RPL13A: variants seen among roughly 807,000 people sequenced by gnomAD.
RPL13A encodes large ribosomal subunit protein uL13.
Under a neutral mutation model 30.8 loss-of-function variants are expected in RPL13A, and 4 were observed. The ratio of observed to expected loss-of-function variants is 0.13; its 90% CI spans 0.06 to 0.30. The LOEUF (loss-of-function observed/expected upper bound fraction) is 0.30. Among genes scored for constraint, RPL13A ranks in the 10% least tolerant of loss-of-function variants. The probability of loss-of-function intolerance (pLI) is 1.00; values close to 1 mark genes in which losing one functional copy is unlikely to be tolerated. For missense variants in RPL13A, 196 were observed against 272.6 expected (o/e 0.72, Z 1.98); for synonymous variants, 108 against 104.2 (o/e 1.04, Z -0.22).
At chr19:49,491,608 C>T in intron 7 of RPL13A, 61 bp downstream of exon 7, 1 of 1,557,402 alleles carries the variant, frequency 6.4e-7, no homozygotes, top group Non-Finnish European at 8.7e-7. Flanking sequence ...TGGCAGGTGC[C>T]TTGCTCACAG....
At chr19:49,488,268 G>T (rs773729434) in intron 1 of RPL13A, among the ~76,000 whole-genome samples, 4 of 152,148 alleles carry the variant, frequency 2.6e-5, no homozygotes, top group African/African-American at 4.8e-5. Flanking sequence ...GTCGAGAGCT[G>T]TGATGAATGG....
Position 49,491,059 on chromosome 19 carries a change from C to T in RPL13A, c.362C>T (p.Pro121Leu), listed in dbSNP as rs201916839. The T allele has an allele frequency of 6.2e-7, 1 of 1,614,256 alleles. No homozygotes were observed. Among genetic ancestry groups the T allele is most frequent in the Non-Finnish European group, 8.5e-7 (1 of 1,180,056 alleles). ...TAACAGAAAAAGCGGATGGTGGTTC[C>T]TGCTGCCCTCAAGGTCGTGCGTCTG... ...PYDKKKRMVV[P>L]AALKVVRLKP... The change falls in exon 6 of 8, where the codon CCT (proline) becomes CTT (leucine). Residue 121 changes from proline to leucine, a missense_variant. By Grantham distance (98) the Pro-to-Leu change is moderately conservative. Coordinates refer to ENST00000391857, the MANE Select transcript of RPL13A (RefSeq NM_012423.4).
Position 49,490,428 on chromosome 19 carries a change from G to A in RPL13A, c.155-47G>A, listed in dbSNP as rs184297345. On this transcript the variant is annotated intron_variant, in intron 3 of 7. Coordinates refer to ENST00000391857, the MANE Select transcript of RPL13A (RefSeq NM_012423.4). ...GAAGGCCCTTGGAAGTGGGGTTTTG[G>A]GGGTGCTGGTAGACTGGGCAGGCCT... 2.6e-5 allele frequency: 42 copies of A among 1,603,896 alleles called. No homozygotes were observed. The Admixed American group carries it at 6.2e-4, about 24-fold the overall frequency.
At chr19:49,490,737 T>C (rs1555806816) in intron 4 of RPL13A, 42 bp from the exon 5 acceptor site, 1 of 1,608,460 alleles carries the variant, frequency 6.2e-7, no homozygotes, top group Non-Finnish European at 8.5e-7. Flanking sequence ...TGGGCATCCT[T>C]ATGAGGCCCT....
intron 1 of RPL13A, among the ~76,000 whole-genome samples, chr19:49,489,290 G>A (rs1021650129): frequency 2.6e-5 from 4 of 152,192 alleles, no homozygotes; most frequent in Middle Eastern, 3.4e-3. Context: ...GAAGCGAGGA[G>A]TACAAGAGCA....
intron 5 of RPL13A, 30 bp from the exon 6 acceptor site, chr19:49,491,010 G>C (rs756803193): frequency 1.9e-6 from 3 of 1,614,088 alleles, no homozygotes; most frequent in Non-Finnish European, 2.5e-6. Context: ...GTCCCTCCCG[G>C]GCTCTTAAGC....
intron 2 of RPL13A, 24 bp downstream of exon 2, chr19:49,489,946 C>CT: frequency 3.8e-6 from 6 of 1,575,976 alleles, no homozygotes; most frequent in Non-Finnish European, 5.2e-6. Context: ...CGTGGCCCCT[C>CT]TGTCATGGGC....
intron 4 of RPL13A, 89 bp from the exon 5 acceptor site, chr19:49,490,690 C>T (rs1297713834): frequency 2.5e-6 from 4 of 1,574,740 alleles, no homozygotes; most frequent in Middle Eastern, 3.3e-4. Flanking sequence ...GCACTACCAT[C>T]TGAGGCCACC....
intron 6 of RPL13A, 31 bp downstream of exon 6, chr19:49,491,130 T>C: frequency 1.2e-6 from 2 of 1,613,304 alleles, no homozygotes; most frequent in South Asian, 2.2e-5. Context: ...CACCATCTAC[T>C]TGGGAGATTT....
At position 49,489,929 on chromosome 19, in the gene RPL13A, CGCT is replaced by C. The variant is rs773929236; in HGVS notation, c.88+11_88+13del. ...GCTAAACAGGTACTGCTGGGTAAGT[CGCT>C]GCTCGTGGCCCCTCTGTCATGGGCC... On this transcript the variant is annotated splice_region_variant and intron_variant, in intron 2 of 7. Transcript: ENST00000391857. The C allele has an allele frequency of 3.0e-5, 48 of 1,611,222 alleles. No homozygotes were observed. Among genetic ancestry groups the C allele is most frequent in the Admixed American group, 5.0e-5 (3 of 60,008 alleles).
chr19:49,489,871 G>A lies in RPL13A; in HGVS notation c.37G>A (p.Gly13Ser), dbSNP rs201436589. The change falls in exon 2 of 8, where the codon GGC becomes AGC. Residue 13 changes from glycine (G) to serine (S), a missense_variant. Coordinates refer to ENST00000391857, the MANE Select transcript of RPL13A (RefSeq NM_012423.4). The stretch of plus-strand genomic sequence containing the variant: ...ACAGGTCCTGGTGCTTGATGGTCGA[G>A]GCCATCTCCTGGGCCGCCTGGCGGC... Reference protein sequence around the residue: ...EVQVLVLDGRGHLLGRLAAIV... With the variant: ...EVQVLVLDGRSHLLGRLAAIV... The A allele has an allele frequency of 6.2e-7, 1 of 1,614,154 alleles. No individual in the cohort carries two copies. Among genetic ancestry groups the A allele is most frequent in the East Asian group, 2.2e-5 (1 of 44,890 alleles).
chr19:49,490,135 C>T, intron 2 of RPL13A, 97 bp from the exon 3 acceptor site: 1 of 1,251,886 alleles, frequency 8.0e-7, no homozygotes. Flanking sequence ...AGGAACTTAG[C>T]TCTGGCAAGT....
Position 49,490,512 on chromosome 19 carries a change from C to T in RPL13A, c.192C>T (p.Thr64=). The change falls in exon 4 of 8, where the codon ACC becomes ACT. Residue 64 remains threonine (T), a synonymous_variant. Coordinates refer to ENST00000391857, the MANE Select transcript of RPL13A (RefSeq NM_012423.4). The part of the protein sequence containing the change: ...YLAFLRKRMN[T]NPSRGPYHFR... ...CTTTCCTCCGCAAGCGGATGAACAC[C>T]AACCCTTCCCGAGGCCCCTACCACT... 8 of 1,614,216 alleles carry T rather than the reference C, an allele frequency of 5.0e-6. No individual in the cohort carries two copies. The African/African-American group carries it at 5.3e-5, about 11-fold the overall frequency.
At position 49,490,849 on chromosome 19, in the gene RPL13A, A is replaced by G. The variant is rs749197690; in HGVS notation, c.327A>G (p.Pro109=). The part of the protein sequence containing the change: ...LDRLKVFDGI[P]PPYDKKKRMV... ...GTCTCAAGGTGTTTGACGGCATCCC[A>G]CCGCCCTACGACAAGGTGAGCTATG... The change falls in exon 5 of 8, where the codon CCA becomes CCG. Residue 109 remains proline, a synonymous_variant. Transcript: ENST00000391857. The G allele has an allele frequency of 6.2e-7, 1 of 1,614,068 alleles. No homozygotes were observed. Among genetic ancestry groups the G allele is most frequent in the Middle Eastern group, 1.6e-4 (1 of 6,062 alleles).
chr19:49,491,592 C>G, intron 7 of RPL13A, 45 bp downstream of exon 7: 1 of 1,554,586 alleles, frequency 6.4e-7, no homozygotes, highest in Non-Finnish European at 8.7e-7. Flanking sequence ...CACTCCTGGA[C>G]AGGCCTGGCA....
At position 49,491,974 on chromosome 19, in the gene RPL13A, C is replaced by CGAAGTTGCTT; in HGVS notation, c.*163_*172dup. On this transcript the variant is annotated 3_prime_UTR_variant, in exon 8 of 8. Transcript: ENST00000391857. Reference sequence around the variant, plus strand: ...GGAAAGGGTCTTAGTCACTGCCTCCCGAAGTTGCTTGAAAGCACTCGGAGA... The same window carrying CGAAGTTGCTT: ...GGAAAGGGTCTTAGTCACTGCCTCCCGAAGTTGCTTGAAGTTGCTTGAAAGCACTCGGAGA... 1.6e-6 allele frequency: 1 copy of CGAAGTTGCTT among 609,372 alleles called. No individual in the cohort carries two copies. The highest frequency in any genetic ancestry group is 2.8e-5 in the East Asian group (1 of 35,596). 37.7% of individuals were successfully genotyped at this position (609,372 alleles called of 1,614,324 possible).
At position 49,491,418 on chromosome 19, in the gene RPL13A, C is replaced by CCT; in HGVS notation, c.403-6_403-5insTC. On this transcript the variant is annotated splice_polypyrimidine_tract_variant and splice_region_variant and intron_variant, in intron 6 of 7. Transcript: ENST00000391857. ...CATTTGTTCACCCCCCCCCCCCCCC[C>CCT]CCGCAGTTTGCCTATCTGGGGCGCC... The CCT allele has an allele frequency of 8.6e-7, 1 of 1,168,118 alleles. No homozygotes were observed. The highest frequency in any genetic ancestry group is 1.2e-6 in the Non-Finnish European group (1 of 857,260). 72.4% of individuals were successfully genotyped at this position (1,168,118 alleles called of 1,614,324 possible). A position where few individuals can be genotyped will look rare whatever the true frequency, so the allele number is the denominator to read the frequency against.
rs1214437831 is a variant in RPL13A, at chr19:49,487,636, G to A, written c.7G>A (p.Glu3Lys). 3.2e-6 allele frequency: 5 copies of A among 1,573,468 alleles called. No homozygotes were observed. The highest frequency in any genetic ancestry group is 4.3e-6 in the Non-Finnish European group (5 of 1,160,456). Residue 3 changes from glutamate to lysine, a missense_variant, in exon 1 of 8, where the codon GAG (glutamate) becomes AAG (lysine). Transcript: ENST00000391857. Reference sequence around the variant, plus strand: ...TTCCAAGCGGCTGCCGAAGATGGCGGAGGTGCAGGTATGGGCTCCGCGCGG... The same window carrying A: ...TTCCAAGCGGCTGCCGAAGATGGCGAAGGTGCAGGTATGGGCTCCGCGCGG... The part of the protein sequence containing the change: MA[E>K]VQVLVLDGRG...
rs2122627026 is a variant in RPL13A at position 49,491,900 on chromosome 19, G to GC, written c.*86dup. 5 of 1,101,788 alleles carry GC rather than the reference G, an allele frequency of 4.5e-6. No homozygotes were observed. The South Asian group carries it at 6.7e-5, about 15-fold the overall frequency. The allele number at this position is 1,101,788 out of a possible 1,614,324, so 68.3% of individuals were successfully genotyped here. ...GAATGTACGGGACCCAGGGGCAGCAGCAGTCCAGGTGCCACAGGCAGCCCT... is the reference window on the plus strand; with the variant it reads ...GAATGTACGGGACCCAGGGGCAGCAGCCAGTCCAGGTGCCACAGGCAGCCCT... On this transcript the variant is annotated 3_prime_UTR_variant, in exon 8 of 8. Transcript: ENST00000391857.
Sources: gnomAD v4.1 joint callset for allele counts (sites outside exome capture counted in the v4.1 genomes callset) on GRCh38, gnomAD v4.1.1 for gene constraint, MANE v1.5 for transcripts, NCBI Gene and HGNC (gene_info 2026-07-23, HGNC 2026-07-21) for gene names.